FOXP1: variants seen among roughly 807,000 people sequenced by gnomAD.
FOXP1 encodes the protein forkhead box P1.
In FOXP1, 15 loss-of-function variants were observed where a neutral mutation model predicts 98.2. That is an observed-to-expected ratio of 0.15 (90% confidence interval 0.10 to 0.24). The LOEUF (loss-of-function observed/expected upper bound fraction) is 0.24, where lower values mean the gene tolerates loss of function less well. FOXP1 is among the 10% of genes least tolerant of loss of function. The pLI, the probability that FOXP1 is intolerant of heterozygous loss-of-function variation, is 1.00. For missense variants in FOXP1, 633 were observed against 848.5 expected (o/e 0.75, Z 3.15); for synonymous variants, 371 against 314.5 (o/e 1.18, Z -1.90).
intron 3 of FOXP1, among the ~76,000 whole-genome samples, chr3:71,484,489 CAA>C (rs2090511710): frequency 6.6e-6 from 1 of 152,172 alleles, no homozygotes; most frequent in African/African-American, 2.4e-5. Flanking sequence ...AGGAAATTGG[CAA>C]AGTCTCAAAA....
intron 3 of FOXP1, among the ~76,000 whole-genome samples, chr3:71,384,467 T>C (rs958352696): frequency 2.6e-5 from 4 of 152,192 alleles, no homozygotes; most frequent in Middle Eastern, 3.2e-3. Context: ...GAAATGCTCA[T>C]TGGAATTCCC....
At chr3:71,138,151 G>A (rs2107976535) in intron 6 of FOXP1, among the ~76,000 whole-genome samples, 1 of 152,276 alleles carries the variant, frequency 6.6e-6, no homozygotes, top group East Asian at 1.9e-4. Context: ...AAGGAACAAA[G>A]GTTCCTGTGT....
At position 71,373,752 on chromosome 3, in the gene FOXP1, G is replaced by A. The variant is rs557363686; in HGVS notation, c.-167-14508C>T. ...TCTTGCTAGTCCACATGCTTGTTGA[G>A]CCTATGAATGTTTCTGGACACGCAT... is the stretch of plus-strand genomic sequence containing the variant. On this transcript the variant is annotated intron_variant, in intron 3 of 20. Transcript: ENST00000649528. 4.6e-5 allele frequency among the ~76,000 whole-genome samples: 7 copies of A among 152,246 alleles called. No individual in the cohort carries two copies. In the East Asian group the frequency reaches 5.8e-4, roughly 13 times the overall value.
At chr3:71,116,861 C>T (rs555061673) in intron 6 of FOXP1, among the ~76,000 whole-genome samples, 2 of 152,280 alleles carry the variant, frequency 1.3e-5, no homozygotes, top group Admixed American at 1.3e-4. Flanking sequence ...CAAATCTCCA[C>T]CATCTATGAT....
chr3:71,267,705 G>T (rs1448667628), intron 5 of FOXP1, among the ~76,000 whole-genome samples: 1 of 152,102 alleles, frequency 6.6e-6, no homozygotes, highest in Admixed American at 6.5e-5. Context: ...GGTAGACAGG[G>T]TTAACAGATT....
At chr3:71,382,199 C>A (rs1017210229) in intron 3 of FOXP1, among the ~76,000 whole-genome samples, 1 of 151,874 alleles carries the variant, frequency 6.6e-6, no homozygotes, top group African/African-American at 2.4e-5. Flanking sequence ...TGCTTGAGCC[C>A]AGGAGGTAGA....
intron 5 of FOXP1, among the ~76,000 whole-genome samples, chr3:71,206,928 A>T (rs1350902048): frequency 6.6e-6 from 1 of 152,234 alleles, no homozygotes; most frequent in Non-Finnish European, 1.5e-5. Flanking sequence ...CTAGGAAACA[A>T]GTACAAAGCA....
intron 5 of FOXP1, among the ~76,000 whole-genome samples, chr3:71,293,540 A>C (rs976261089): frequency 8.6e-5 from 13 of 151,948 alleles, no homozygotes; most frequent in Non-Finnish European, 2.9e-5. Flanking sequence ...TTGATTGTTC[A>C]CTGTGCAAAA....
At chr3:71,094,104 G>A (rs1434064262) in intron 7 of FOXP1, among the ~76,000 whole-genome samples, 1 of 152,056 alleles carries the variant, frequency 6.6e-6, no homozygotes, top group African/African-American at 2.4e-5. Flanking sequence ...TCTATAAAAG[G>A]CCAGAGAATA....
chr3:71,223,681 G>T (rs183824529), intron 5 of FOXP1, among the ~76,000 whole-genome samples: 1 of 137,332 alleles, frequency 7.3e-6, no homozygotes, highest in Non-Finnish European at 1.5e-5. Flanking sequence ...GTGACAGAGC[G>T]AGACTACGTC....
intron 3 of FOXP1, among the ~76,000 whole-genome samples, chr3:71,467,552 C>T (rs975708352): frequency 2.0e-5 from 3 of 152,152 alleles, no homozygotes; most frequent in African/African-American, 7.2e-5. Context: ...AGCCATGCCA[C>T]GACAGCTCTT....
chr3:71,534,271 G>A (rs1297385299), intron 2 of FOXP1, among the ~76,000 whole-genome samples: 1 of 152,190 alleles, frequency 6.6e-6, no homozygotes, highest in Non-Finnish European at 1.5e-5. Context: ...GCCAAGGCAG[G>A]AGAATCGCTT....
At chr3:71,052,327 G>A (rs1021336987) in intron 9 of FOXP1, among the ~76,000 whole-genome samples, 1 of 152,072 alleles carries the variant, frequency 6.6e-6, no homozygotes, top group Non-Finnish European at 1.5e-5. Flanking sequence ...ACAGGTACAC[G>A]TGCAGTGGTG....
intron 4 of FOXP1, chr3:71,304,698 A>C (rs1466830695): frequency 6.6e-6 from 1 of 152,216 alleles, no homozygotes; most frequent in Non-Finnish European, 1.5e-5. Context: ...GAGTATTTGT[A>C]ATTTTGTTAT....
At chr3:71,099,574 C>G (rs1441061729) in intron 7 of FOXP1, among the ~76,000 whole-genome samples, 1 of 152,146 alleles carries the variant, frequency 6.6e-6, no homozygotes, top group Non-Finnish European at 1.5e-5. Flanking sequence ...TACACAGGCA[C>G]TTTTCATGCA....
In FOXP1 at chr3:70,974,581, C is replaced by T. The variant is rs895157343; in HGVS notation, c.1531-1905G>A. On this transcript the variant is annotated intron_variant, in intron 17 of 20. Transcript: ENST00000649528. ...GTGCCGGGATCACAGGCAGGAGCCA[C>T]TGCATTTGGCTGCATTTTAAAAAAA... is the stretch of plus-strand genomic sequence containing the variant. 3.9e-5 allele frequency among the ~76,000 whole-genome samples: 6 copies of T among 152,164 alleles called. No individual in the cohort carries two copies. The South Asian group carries it at 1.2e-3, about 31-fold the overall frequency.
chr3:71,105,438 T>G (rs1032475168), intron 7 of FOXP1, among the ~76,000 whole-genome samples: 4 of 152,148 alleles, frequency 2.6e-5, no homozygotes, highest in African/African-American at 7.2e-5. Context: ...AACTAATGAC[T>G]CCAACCCTAG....
chr3:71,397,112 A>ATGTGTATATATATATACATATATATATG (rs2081585968), intron 3 of FOXP1, among the ~76,000 whole-genome samples: 1 of 109,418 alleles, frequency 9.1e-6, no homozygotes, highest in African/African-American at 3.5e-5. Flanking sequence ...ATATATATAT[A>ATGTGTATATATATATACATATATATATG]TGTGTATATA....
intron 11 of FOXP1, among the ~76,000 whole-genome samples, chr3:71,024,309 A>G (rs1021751872): frequency 6.6e-6 from 1 of 152,176 alleles, no homozygotes; most frequent in Non-Finnish European, 1.5e-5. Context: ...TTCACACCGA[A>G]GAGTTGGGAG....
Sources: gnomAD v4.1 joint callset for allele counts (sites outside exome capture counted in the v4.1 genomes callset) on GRCh38, gnomAD v4.1.1 for gene constraint, MANE v1.5 for transcripts, NCBI Gene and HGNC (gene_info 2026-07-23, HGNC 2026-07-21) for gene names.